Variants in ABHD13 observed in about 807,000 individuals in gnomAD.
ABHD13 encodes the protein protein ABHD13.
ABHD13 carries 7 observed loss-of-function variants against 25.2 expected under a neutral mutation model. The observed-to-expected ratio is 0.28, with a 90% CI of 0.16 to 0.52. ABHD13 has a LOEUF of 0.52. Ranked by LOEUF, ABHD13 falls within the 20% of genes least tolerant of loss-of-function variation. The probability of loss-of-function intolerance (pLI) is 0.96; values close to 1 mark genes in which losing one functional copy is unlikely to be tolerated. For missense variants in ABHD13, 302 were observed against 402.7 expected (o/e 0.75, Z 2.14); for synonymous variants, 133 against 136.1 (o/e 0.98, Z 0.16).
Position 108,230,276 on chromosome 13 carries a change from A to T in ABHD13, c.*44A>T. On this transcript the variant is annotated 3_prime_UTR_variant, in exon 2 of 2. Transcript: ENST00000375898. ...TTGCATTGTATTTTAATTTGTGCAGAATGATAAAGAATGTTCCTTTTAGAA... is the reference window on the plus strand; with the variant it reads ...TTGCATTGTATTTTAATTTGTGCAGTATGATAAAGAATGTTCCTTTTAGAA... 7.0e-7 allele frequency: 1 copy of T among 1,428,408 alleles called. No individual in the cohort carries two copies. Among genetic ancestry groups the T allele is most frequent in the Non-Finnish European group, 9.4e-7 (1 of 1,065,696 alleles). 88.5% of individuals were successfully genotyped at this position (1,428,408 alleles called of 1,614,324 possible).
intron 1 of ABHD13, among the ~76,000 whole-genome samples, chr13:108,219,407 G>C (rs1273661520): frequency 6.6e-6 from 1 of 152,208 alleles, no homozygotes; most frequent in African/African-American, 2.4e-5. Context: ...AAAGAGATGA[G>C]TATATTGGCT....
rs998096571 is a variant in ABHD13 at position 108,232,867 on chromosome 13, T to A, written c.*2635T>A. The A allele has an allele frequency of 6.0e-6, 1 of 166,846 alleles. No individual in the cohort carries two copies. 10.3% of individuals were successfully genotyped at this position (166,846 alleles called of 1,614,324 possible). A position where few individuals can be genotyped will look rare whatever the true frequency, so the allele number is the denominator to read the frequency against. On this transcript the variant is annotated 3_prime_UTR_variant, in exon 2 of 2. Transcript: ENST00000375898. ...GCAAAATAAGAGAAGAAATAATTTGTGACAGGTAATAGAATACTAGTAGGA... is the reference window on the plus strand; with the variant it reads ...GCAAAATAAGAGAAGAAATAATTTGAGACAGGTAATAGAATACTAGTAGGA...
At chr13:108,223,403 A>C (rs955493799) in intron 1 of ABHD13, among the ~76,000 whole-genome samples, 23 of 152,398 alleles carry the variant, frequency 1.5e-4, no homozygotes, top group African/African-American at 5.5e-4. Context: ...ATTTCAATAC[A>C]TAGCACAAAA....
chr13:108,221,999 G>A (rs948850622), intron 1 of ABHD13, among the ~76,000 whole-genome samples: 2 of 151,918 alleles, frequency 1.3e-5, no homozygotes, highest in Non-Finnish European at 2.9e-5. Context: ...CACCATGCCC[G>A]GCTAATTTTT....
Position 108,229,584 on chromosome 13 carries a change from G to T in ABHD13, c.366G>T (p.Gly122=). Residue 122 remains glycine (G), a synonymous_variant, in exon 2 of 2, where the codon GGG becomes GGT. Transcript: ENST00000375898. The surrounding 1 kb of genome is among the most constrained non-coding windows in gnomAD (Gnocchi z 4.7). ...CCCCAACTATAATTTATTTTCATGG[G>T]AATGCAGGCAACATAGGTCACAGGT... ...PYSPTIIYFH[G]NAGNIGHRLP... 1.2e-6 allele frequency: 2 copies of T among 1,613,280 alleles called. No individual in the cohort carries two copies. Among genetic ancestry groups the T allele is most frequent in the Non-Finnish European group, 1.7e-6 (2 of 1,179,560 alleles).
chr13:108,230,131 C>G lies in ABHD13; in HGVS notation c.913C>G (p.Gln305Glu). The change falls in exon 2 of 2, where the codon CAA (glutamine) becomes GAA (glutamate). Residue 305 changes from glutamine to glutamate, a missense_variant. By Grantham distance (29) the Gln-to-Glu change is conservative (BLOSUM62 2). Coordinates refer to ENST00000375898, the MANE Select transcript of ABHD13 (RefSeq NM_032859.3). ...DGTHNDTWQC[Q>E]GYFTALEQFI... The stretch of plus-strand genomic sequence containing the variant: ...GACTCACAATGACACATGGCAGTGC[C>G]AAGGCTATTTCACTGCACTTGAACA... 6.2e-7 allele frequency: 1 copy of G among 1,612,990 alleles called. No homozygotes were observed. The highest frequency in any genetic ancestry group is 8.5e-7 in the Non-Finnish European group (1 of 1,179,258).
Position 108,229,078 on chromosome 13 carries a change from A to G in ABHD13, c.-20-121A>G, listed in dbSNP as rs1594491933. On this transcript the variant is annotated intron_variant, in intron 1 of 1. Transcript: ENST00000375898. This position sits in a 1 kb window ranked among gnomAD's most constrained non-coding sequence, Gnocchi z 4.7. ...TTATAGCAGCTACTTTTGTGGATGGACTGTACCTATTACCATATTTAACAA... is the reference window on the plus strand; with the variant it reads ...TTATAGCAGCTACTTTTGTGGATGGGCTGTACCTATTACCATATTTAACAA... The G allele has an allele frequency of 1.5e-6, 1 of 668,230 alleles. No individual in the cohort carries two copies. Among genetic ancestry groups the G allele is most frequent in the East Asian group, 3.0e-5 (1 of 33,324 alleles). The allele number at this position is 668,230 out of a possible 1,614,324, so 41.4% of individuals were successfully genotyped here.
At position 108,232,398 on chromosome 13, in the gene ABHD13, A is replaced by C. The variant is rs1393360563; in HGVS notation, c.*2166A>C. ...GGGCAGAGGCTGTGCCTAGGGCTAT[A>C]CCACCACTAGCATCTGTATTTGAGA... On this transcript the variant is annotated 3_prime_UTR_variant, in exon 2 of 2. Transcript: ENST00000375898. 5 of 166,916 alleles carry C rather than the reference A, an allele frequency of 3.0e-5. No homozygotes were observed. The highest frequency in any genetic ancestry group is 4.8e-5 in the African/African-American group (2 of 41,422). The allele number at this position is 166,916 out of a possible 1,614,324, so 10.3% of individuals were successfully genotyped here.
rs199612764 is a variant in ABHD13 at position 108,229,195 on chromosome 13, C to T, written c.-20-4C>T. On this transcript the variant is annotated splice_polypyrimidine_tract_variant and splice_region_variant and intron_variant, in intron 1 of 1. Transcript: ENST00000375898. The surrounding 1 kb of genome is among the most constrained non-coding windows in gnomAD (Gnocchi z 4.7). ...TTATTGATATTCTCCCTCTCTCTCTCTAGGATACTTACAGAGAGCTACAAT... is the reference window on the plus strand; with the variant it reads ...TTATTGATATTCTCCCTCTCTCTCTTTAGGATACTTACAGAGAGCTACAAT... The T allele has an allele frequency of 4.0e-6, 6 of 1,515,260 alleles. No homozygotes were observed. In the Admixed American group the frequency reaches 1.4e-4, roughly 35 times the overall value. 93.9% of individuals were successfully genotyped at this position (1,515,260 alleles called of 1,614,324 possible).
Position 108,229,507 on chromosome 13 carries a change from A to G in ABHD13, c.289A>G (p.Ile97Val). ...CATTTTCATCAGAACCAAAGATGGA[A>G]TACGTCTGAATCTTATTTTGATACG... The part of the protein sequence containing the change: ...ENIFIRTKDG[I>V]RLNLILIRYT... The change falls in exon 2 of 2, where the codon ATA becomes GTA. Residue 97 changes from isoleucine (I) to valine (V), a missense_variant. Transcript: ENST00000375898. This position sits in a 1 kb window ranked among gnomAD's most constrained non-coding sequence, Gnocchi z 4.7. 4 of 1,613,564 alleles carry G rather than the reference A, an allele frequency of 2.5e-6. No homozygotes were observed. Among genetic ancestry groups the G allele is most frequent in the Non-Finnish European group, 3.4e-6 (4 of 1,179,628 alleles).
rs958137426 is a variant in ABHD13 at position 108,233,718 on chromosome 13, C to T, written c.*3486C>T. On this transcript the variant is annotated 3_prime_UTR_variant, in exon 2 of 2. Coordinates refer to ENST00000375898, the MANE Select transcript of ABHD13 (RefSeq NM_032859.3). The stretch of plus-strand genomic sequence containing the variant: ...TCTTAATACTATATATATATATACA[C>T]ACATAGTTTTAGCAAATTGGAAATA... 3.6e-5 allele frequency: 6 copies of T among 166,616 alleles called. No individual in the cohort carries two copies. The highest frequency in any genetic ancestry group is 8.8e-5 in the Non-Finnish European group (6 of 67,890). 10.3% of individuals were successfully genotyped at this position (166,616 alleles called of 1,614,324 possible).
At chr13:108,221,710 GC>G (rs1371678676) in intron 1 of ABHD13, among the ~76,000 whole-genome samples, 1 of 151,914 alleles carries the variant, frequency 6.6e-6, no homozygotes, top group African/African-American at 2.4e-5. Context: ...AAATTGTTTA[GC>G]CTTTTGCCAA....
At chr13:108,227,306 AG>A (rs1433850304) in intron 1 of ABHD13, among the ~76,000 whole-genome samples, 1 of 152,138 alleles carries the variant, frequency 6.6e-6, no homozygotes, top group East Asian at 1.9e-4. Flanking sequence ...ATATGTAATT[AG>A]ATTATTTTAA....
Position 108,229,819 on chromosome 13 carries a change from C to T in ABHD13, c.601C>T (p.His201Tyr), listed in dbSNP as rs371917716. The change falls in exon 2 of 2, where the codon CAT becomes TAT. Residue 201 changes from histidine to tyrosine, a missense_variant. Physicochemically the swap from His to Tyr is moderately conservative, Grantham distance 83. Transcript: ENST00000375898. The surrounding 1 kb of genome is among the most constrained non-coding windows in gnomAD (Gnocchi z 4.7). ...GRSLGGAVAI[H>Y]LASENSHRIS... ...TTCCTTGGGTGGAGCAGTGGCTATT[C>T]ATTTGGCTTCTGAAAATTCACATAG... 1.2e-5 allele frequency: 20 copies of T among 1,613,312 alleles called. No individual in the cohort carries two copies. The highest frequency in any genetic ancestry group is 1.6e-5 in the Non-Finnish European group (19 of 1,179,498).
intron 1 of ABHD13, among the ~76,000 whole-genome samples, chr13:108,220,753 C>G (rs958662095): frequency 1.3e-5 from 2 of 152,156 alleles, no homozygotes; most frequent in African/African-American, 4.8e-5. Context: ...CTAGATACTT[C>G]TAGTAAGGCT....
intron 1 of ABHD13, among the ~76,000 whole-genome samples, chr13:108,227,857 G>A (rs1027352382): frequency 6.6e-6 from 1 of 152,066 alleles, no homozygotes. Flanking sequence ...CTGGGTGGCA[G>A]TGTTGATTTC....
chr13:108,223,589 C>T (rs1048017242), intron 1 of ABHD13, among the ~76,000 whole-genome samples: 1 of 152,228 alleles, frequency 6.6e-6, no homozygotes, highest in African/African-American at 2.4e-5. Context: ...TACAGTGACT[C>T]CAACACGTGA....
rs1486023727 is a variant in ABHD13 at position 108,218,649 on chromosome 13, C to A, written c.-31C>A. ...CCCGCGGCCGACTGCGCAGCCTGTC[C>A]GCGAGTCTGAGTAAGTGCGGCTCGG... On this transcript the variant is annotated 5_prime_UTR_variant, in exon 1 of 2. Coordinates refer to ENST00000375898, the MANE Select transcript of ABHD13 (RefSeq NM_032859.3). The A allele has an allele frequency of 6.6e-6, 1 of 151,838 alleles. No homozygotes were observed. The highest frequency in any genetic ancestry group is 1.5e-5 in the Non-Finnish European group (1 of 67,886). The allele number at this position is 151,838 out of a possible 1,614,324, so 9.4% of individuals were successfully genotyped here. A position where few individuals can be genotyped will look rare whatever the true frequency, so the allele number is the denominator to read the frequency against.
chr13:108,226,033 G>A (rs36041277), intron 1 of ABHD13, among the ~76,000 whole-genome samples: 8,812 of 152,174 alleles, frequency 0.058, 249 homozygotes, highest in East Asian at 0.11. Context: ...TTTACCACAT[G>A]GGACATACTT....
Sources: gnomAD v4.1 joint callset for allele counts (sites outside exome capture counted in the v4.1 genomes callset) on GRCh38, gnomAD v4.1.1 for gene constraint, Gnocchi (gnomAD v3.1) non-coding constraint, MANE v1.5 for transcripts, NCBI Gene and HGNC (gene_info 2026-07-23, HGNC 2026-07-21) for gene names.